ADD3: variants seen among roughly 807,000 people sequenced by gnomAD.
ADD3 encodes adducin 3, also known as gamma-adducin.
ADD3 carries 25 observed loss-of-function variants against 80.2 expected under a neutral mutation model. That is an observed-to-expected ratio of 0.31 (90% confidence interval 0.23 to 0.44). The LOEUF (loss-of-function observed/expected upper bound fraction) is 0.44. Ranked by LOEUF, ADD3 falls within the 20% of genes least tolerant of loss-of-function variation. The probability of loss-of-function intolerance (pLI) is 1.00; values close to 1 mark genes in which losing one functional copy is unlikely to be tolerated. For missense variants in ADD3, 829 were observed against 847.5 expected (o/e 0.98, Z 0.27); for synonymous variants, 284 against 289.6 (o/e 0.98, Z 0.20).
At chr10:110,059,545 G>A (rs1340700930) in intron 1 of ADD3, among the ~76,000 whole-genome samples, 2 of 151,532 alleles carry the variant, frequency 1.3e-5, no homozygotes, top group Admixed American at 6.6e-5. Context: ...GGCAGATCAC[G>A]AGGTCAGGAG....
rs764083258 is a variant in ADD3 at position 110,100,629 on chromosome 10, C to G, written c.-25C>G. On this transcript the variant is annotated 5_prime_UTR_variant, in exon 2 of 15. Coordinates refer to ENST00000356080, the MANE Select transcript of ADD3 (RefSeq NM_016824.5). ...TCTTTGTGTTTATTAATGCAGATAA[C>G]AAGAGTAATCCACAGACTTAAAACA... 1.9e-6 allele frequency: 3 copies of G among 1,549,348 alleles called. No individual in the cohort carries two copies. In the African/African-American group the frequency reaches 4.2e-5, roughly 22 times the overall value.
intron 1 of ADD3, among the ~76,000 whole-genome samples, chr10:110,049,402 C>G (rs1260538576): frequency 6.6e-6 from 1 of 152,150 alleles, no homozygotes; most frequent in East Asian, 1.9e-4. Flanking sequence ...AATGGTAGAT[C>G]CACTGACAGC....
intron 1 of ADD3, among the ~76,000 whole-genome samples, chr10:110,047,683 ATAGT>A (rs1301269274): frequency 6.6e-6 from 1 of 152,352 alleles, no homozygotes; most frequent in East Asian, 1.9e-4. Flanking sequence ...ATAAGGAAAG[ATAGT>A]TATAGGAAAA....
intron 12 of ADD3, among the ~76,000 whole-genome samples, chr10:110,128,049 A>ATTTTTTTTTTTTTTTTTTTT (rs71486096): frequency 9.4e-6 from 1 of 106,014 alleles, no homozygotes; most frequent in Non-Finnish European, 1.9e-5. Flanking sequence ...TTTGTTTAGG[A>ATTTTTTTTTTTTTTTTTTTT]TTTTTTTTTT....
intron 12 of ADD3, among the ~76,000 whole-genome samples, chr10:110,127,135 TG>T (rs1035472981): frequency 3.3e-5 from 5 of 152,112 alleles, no homozygotes; most frequent in Non-Finnish European, 7.3e-5. Context: ...TCACAGTTTT[TG>T]TTTTTTGTTT....
chr10:110,103,204 G>GTTT (rs1849031962), intron 2 of ADD3, among the ~76,000 whole-genome samples: 2 of 152,206 alleles, frequency 1.3e-5, no homozygotes, highest in Non-Finnish European at 2.9e-5. Context: ...TTCACCAAGG[G>GTTT]AAATGATACT....
At position 110,057,722 on chromosome 10, in the gene ADD3, C is replaced by A. The variant is rs1370819324; in HGVS notation, c.-29-42903C>A. On this transcript the variant is annotated intron_variant, in intron 1 of 14. Transcript: ENST00000356080. ...GCAGGAAGCTTGTTCTCCACTGAGACCCCAGCATGTAAAATGGTAAACAGT... is the reference window on the plus strand; with the variant it reads ...GCAGGAAGCTTGTTCTCCACTGAGAACCCAGCATGTAAAATGGTAAACAGT... Among the ~76,000 whole-genome samples, 4 of 152,174 alleles carry A rather than the reference C, an allele frequency of 2.6e-5. No individual in the cohort carries two copies. In the East Asian group the frequency reaches 7.7e-4, roughly 29 times the overall value.
At chr10:110,032,930 G>A (rs775520061) in intron 1 of ADD3, among the ~76,000 whole-genome samples, 9 of 152,200 alleles carry the variant, frequency 5.9e-5, no homozygotes, top group Non-Finnish European at 1.3e-4. Flanking sequence ...AGAAGTTAGA[G>A]TTAAATTAAA....
chr10:110,123,867 T>A (rs1851817436), intron 9 of ADD3, 150 bp from the exon 10 acceptor site: 1 of 752,502 alleles, frequency 1.3e-6, no homozygotes, highest in Non-Finnish European at 2.1e-6. Context: ...CAGTGTTACA[T>A]GAAAGTTATG....
intron 1 of ADD3, among the ~76,000 whole-genome samples, chr10:110,032,878 A>G (rs1419647752): frequency 6.6e-6 from 1 of 152,162 alleles, no homozygotes; most frequent in African/African-American, 2.4e-5. Flanking sequence ...CTTTATCGAG[A>G]GGAAAAAATT....
chr10:110,071,568 G>C (rs774267666), intron 1 of ADD3, among the ~76,000 whole-genome samples: 5 of 152,138 alleles, frequency 3.3e-5, no homozygotes, highest in Non-Finnish European at 1.5e-5. Flanking sequence ...CATGATTGCA[G>C]ATTTTTTTAA....
At chr10:110,116,662 A>G (rs1314597555) in intron 4 of ADD3, among the ~76,000 whole-genome samples, 2 of 152,224 alleles carry the variant, frequency 1.3e-5, no homozygotes, top group Non-Finnish European at 2.9e-5. Context: ...TCTATCCAGG[A>G]AGAAATCCTT....
chr10:110,041,770 A>G (rs1364599610), intron 1 of ADD3, among the ~76,000 whole-genome samples: 1 of 152,192 alleles, frequency 6.6e-6, no homozygotes, highest in Non-Finnish European at 1.5e-5. Context: ...TACTGAATCA[A>G]CAAGAAGTTA....
intron 1 of ADD3, among the ~76,000 whole-genome samples, chr10:110,092,283 A>G (rs1387116767): frequency 1.3e-5 from 2 of 152,228 alleles, no homozygotes; most frequent in Non-Finnish European, 2.9e-5. Context: ...TCATTGCAGC[A>G]CTATCCACAA....
At chr10:110,068,757 C>T (rs562939301) in intron 1 of ADD3, among the ~76,000 whole-genome samples, 1 of 152,240 alleles carries the variant, frequency 6.6e-6, no homozygotes, top group East Asian at 1.9e-4. Context: ...ACAGCCCTTG[C>T]TTTATATAAA....
intron 1 of ADD3, among the ~76,000 whole-genome samples, chr10:110,014,064 A>G (rs1481661337): frequency 6.6e-6 from 1 of 152,220 alleles, no homozygotes; most frequent in African/African-American, 2.4e-5. Flanking sequence ...GAATGACTAA[A>G]TGCTAGAGCA....
intron 1 of ADD3, among the ~76,000 whole-genome samples, chr10:110,088,153 A>C (rs1329073470): frequency 6.6e-6 from 1 of 152,200 alleles, no homozygotes; most frequent in Non-Finnish European, 1.5e-5. Context: ...TATGATCTCA[A>C]CTTAATTTGA....
At chr10:110,113,630 C>G (rs1210356737) in intron 3 of ADD3, among the ~76,000 whole-genome samples, 1 of 152,128 alleles carries the variant, frequency 6.6e-6, no homozygotes, top group East Asian at 1.9e-4. Context: ...TAAATCATAT[C>G]ACAGTTGGAT....
chr10:110,018,497 T>C (rs985381081), intron 1 of ADD3, among the ~76,000 whole-genome samples: 15 of 129,118 alleles, frequency 1.2e-4, no homozygotes, highest in African/African-American at 4.3e-4. Flanking sequence ...CATTGCACTC[T>C]AGCCTGGGTG....
Sources: allele counts gnomAD v4.1 joint callset (sites outside exome capture counted in the v4.1 genomes callset), GRCh38; gene constraint gnomAD v4.1.1; transcripts MANE v1.5; gene names NCBI Gene and HGNC (gene_info 2026-07-23, HGNC 2026-07-21).